The following NFX1 variants were observed in gnomAD, a reference collection of about 807,000 sequenced individuals.
NFX1 encodes the protein transcriptional repressor NF-X1.
NFX1 carries 69 observed loss-of-function variants against 137.2 expected under a neutral mutation model. The ratio of observed to expected loss-of-function variants is 0.50; its 90% CI spans 0.41 to 0.61. NFX1 has a LOEUF of 0.61. Among genes scored for constraint, NFX1 ranks in the 20% least tolerant of loss-of-function variants. The probability of loss-of-function intolerance (pLI) is 0.00; values close to 1 mark genes in which losing one functional copy is unlikely to be tolerated. For synonymous variants in NFX1, 495 were observed against 474.1 expected, an observed-to-expected ratio of 1.04 and a Z score of -0.57; for missense variants, 1,167 against 1,391.0, an observed-to-expected ratio of 0.84 and a Z score of 2.56.
intron 22 of NFX1, 60 bp downstream of exon 22, chr9:33,366,834 G>A: frequency 6.4e-7 from 1 of 1,570,430 alleles, no homozygotes; most frequent in South Asian, 1.1e-5. Flanking sequence ...GACCCAAGAA[G>A]CAGGGTCTGT....
At chr9:33,309,903 G>A (rs1041996140) in intron 5 of NFX1, among the ~76,000 whole-genome samples, 1 of 152,170 alleles carries the variant, frequency 6.6e-6, no homozygotes, top group Non-Finnish European at 1.5e-5. Context: ...TTGAGTCCAG[G>A]CTTCTGAGAT....
At chr9:33,352,755 A>G (rs1318456328) in intron 17 of NFX1, 36 bp downstream of exon 17, 3 of 1,523,958 alleles carry the variant, frequency 2.0e-6, no homozygotes, top group African/African-American at 2.7e-5. Flanking sequence ...CTGATGGCCT[A>G]GGTGAAACAG....
At position 33,369,994 on chromosome 9, in the gene NFX1, C is replaced by A; in HGVS notation, c.*16C>A. The A allele has an allele frequency of 6.3e-7, 1 of 1,593,026 alleles. No homozygotes were observed. The highest frequency in any genetic ancestry group is 8.6e-7 in the Non-Finnish European group (1 of 1,161,834). On this transcript the variant is annotated 3_prime_UTR_variant, in exon 24 of 24. Coordinates refer to ENST00000379540, the MANE Select transcript of NFX1 (RefSeq NM_002504.6). ...CCAGGACTAAGAAGATCATGATGCA[C>A]TTAGATAAAAGAATGATTAGGTATA...
At chr9:33,296,667 C>G (rs931405061) in intron 2 of NFX1, among the ~76,000 whole-genome samples, 1 of 152,210 alleles carries the variant, frequency 6.6e-6, no homozygotes, top group Non-Finnish European at 1.5e-5. Context: ...CCCAGGAGAT[C>G]GAGGCTGCAG....
At chr9:33,324,104 C>T (rs1822490020) in intron 9 of NFX1, among the ~76,000 whole-genome samples, 1 of 152,130 alleles carries the variant, frequency 6.6e-6, no homozygotes, top group Non-Finnish European at 1.5e-5. Context: ...TTAGGCCAGG[C>T]ACAGTGGCTC....
Position 33,370,607 on chromosome 9 carries a change from G to T in NFX1, c.*629G>T, listed in dbSNP as rs1464756932. On this transcript the variant is annotated 3_prime_UTR_variant, in exon 24 of 24. Transcript: ENST00000379540. ...TGTGATCAGTTCTAGACCTAGAAGG[G>T]GGTCAGGCTGCTTTACAGAATTCTA... The T allele has an allele frequency of 6.6e-6, 1 of 152,180 alleles. No homozygotes were observed. The highest frequency in any genetic ancestry group is 1.5e-5 in the Non-Finnish European group (1 of 68,068). The allele number at this position is 152,180 out of a possible 1,614,324, so 9.4% of individuals were successfully genotyped here. A position where few individuals can be genotyped will look rare whatever the true frequency, so the allele number is the denominator to read the frequency against.
At chr9:33,365,090 A>G in intron 21 of NFX1, 4 of 626,784 alleles carry the variant, frequency 6.4e-6, no homozygotes, top group Non-Finnish European at 8.4e-6. Context: ...CTTGGCCAAC[A>G]TGACGAAACC....
chr9:33,311,618 T>A (rs1370797860), intron 6 of NFX1, among the ~76,000 whole-genome samples: 9 of 152,032 alleles, frequency 5.9e-5, no homozygotes, highest in Non-Finnish European at 2.9e-5. Flanking sequence ...AGTGGTGCGA[T>A]CTCGGCTCAC....
Position 33,295,827 on chromosome 9 carries a change from C to T in NFX1, c.1033+400C>T, listed in dbSNP as rs558081071. Reference sequence around the variant, plus strand: ...CATCATCTAATCTGCCTCATCTGGTCTGCTTAGTTGCAGCAGTTCCTAACT... The same window carrying T: ...CATCATCTAATCTGCCTCATCTGGTTTGCTTAGTTGCAGCAGTTCCTAACT... On this transcript the variant is annotated intron_variant, in intron 2 of 23. Transcript: ENST00000379540. Among the ~76,000 whole-genome samples the T allele has an allele frequency of 2.0e-5, 3 of 152,348 alleles. No homozygotes were observed. The East Asian group carries it at 5.8e-4, about 29-fold the overall frequency.
chr9:33,326,125 GA>G (rs1248779102), intron 9 of NFX1, among the ~76,000 whole-genome samples: 1 of 151,956 alleles, frequency 6.6e-6, no homozygotes, highest in African/African-American at 2.4e-5. Flanking sequence ...TTTTGTATAA[GA>G]GGGGGGCTAG....
chr9:33,352,769 C>T (rs1205557251), intron 17 of NFX1, 50 bp downstream of exon 17: 8 of 1,466,432 alleles, frequency 5.5e-6, no homozygotes, highest in Non-Finnish European at 7.7e-6. Context: ...GAAACAGATA[C>T]ATGTGTTTTG....
rs530128901 is a variant in NFX1 at position 33,369,097 on chromosome 9, G to C, written c.3291-809G>C. The stretch of plus-strand genomic sequence containing the variant: ...TTCTTTTTTTTTGAGATGGAGTCTC[G>C]CTCTGCCGCCCAGGCTGGAGTGCAG... On this transcript the variant is annotated intron_variant, in intron 23 of 23. Transcript: ENST00000379540. Among the ~76,000 whole-genome samples, 7 of 151,194 alleles carry C rather than the reference G, an allele frequency of 4.6e-5. No homozygotes were observed. In the South Asian group the frequency reaches 1.5e-3, roughly 32 times the overall value.
chr9:33,367,903 C>T (rs1356948808), intron 23 of NFX1, among the ~76,000 whole-genome samples: 1 of 152,154 alleles, frequency 6.6e-6, no homozygotes, highest in Non-Finnish European at 1.5e-5. Context: ...GTCTGTCATA[C>T]CAGATAGTTT....
At chr9:33,352,794 C>G in intron 17 of NFX1, 75 bp downstream of exon 17, 1 of 1,294,266 alleles carries the variant, frequency 7.7e-7, no homozygotes, top group East Asian at 2.3e-5. Flanking sequence ...GTTTTTAAAG[C>G]TAGTCAAGTG....
intron 7 of NFX1, among the ~76,000 whole-genome samples, chr9:33,316,723 TA>T (rs1195966502): frequency 6.6e-6 from 1 of 152,198 alleles, no homozygotes; most frequent in Non-Finnish European, 1.5e-5. Flanking sequence ...CTAAATGGGT[TA>T]AGGCTGGCAA....
chr9:33,354,306 C>A, intron 18 of NFX1, 119 bp downstream of exon 18: 2 of 774,530 alleles, frequency 2.6e-6, no homozygotes, highest in Non-Finnish European at 4.1e-6. Context: ...AATAAGTATT[C>A]AATAGACAAT....
chr9:33,298,991 G>A (rs1374110172), intron 2 of NFX1, among the ~76,000 whole-genome samples: 3 of 152,162 alleles, frequency 2.0e-5, no homozygotes, highest in African/African-American at 4.8e-5. Flanking sequence ...AATGGAATTG[G>A]CATTTACTGA....
chr9:33,346,976 T>C lies in NFX1; in HGVS notation c.2345-62T>C, dbSNP rs1823444269. 6 of 1,335,170 alleles carry C rather than the reference T, an allele frequency of 4.5e-6. 1 individual carries two copies. The allele number at this position is 1,335,170 out of a possible 1,614,324, so 82.7% of individuals were successfully genotyped here. A position where few individuals can be genotyped will look rare whatever the true frequency, so the allele number is the denominator to read the frequency against. On this transcript the variant is annotated intron_variant, in intron 14 of 23. Coordinates refer to ENST00000379540, the MANE Select transcript of NFX1 (RefSeq NM_002504.6). ...CATGCCGTATGCCACTTATATGATGTATAATGGTTTACATGGCTTTATTTA... is the reference window on the plus strand; with the variant it reads ...CATGCCGTATGCCACTTATATGATGCATAATGGTTTACATGGCTTTATTTA...
At chr9:33,344,295 C>G in intron 14 of NFX1, 107 bp downstream of exon 14, 2 of 1,499,182 alleles carry the variant, frequency 1.3e-6, no homozygotes, top group South Asian at 2.3e-5. Flanking sequence ...GATGGCTGCC[C>G]CTTGCTCCCG....
Sources: allele counts gnomAD v4.1 joint callset (sites outside exome capture counted in the v4.1 genomes callset), GRCh38; gene constraint gnomAD v4.1.1; transcripts MANE v1.5; gene names NCBI Gene and HGNC (gene_info 2026-07-23, HGNC 2026-07-21).